Variants in ANKRD31 observed in about 807,000 individuals in gnomAD.
The protein encoded by ANKRD31 is ankyrin repeat domain-containing protein 31.
A neutral mutation model predicts 186.0 loss-of-function variants in ANKRD31; 147 were observed. The ratio of observed to expected loss-of-function variants is 0.79; its 90% CI spans 0.69 to 0.91. ANKRD31 has a LOEUF of 0.91. Ranked by LOEUF, ANKRD31 falls within the 40% of genes least tolerant of loss-of-function variation. ANKRD31 has a pLI of 0.00. For missense variants in ANKRD31, 1,986 were observed against 2,148.8 expected (o/e 0.92, Z 1.50); for synonymous variants, 673 against 736.4 (o/e 0.91, Z 1.39).
At chr5:75,159,459 CA>C (rs1752426950) in intron 11 of ANKRD31, among the ~76,000 whole-genome samples, 1 of 151,654 alleles carries the variant, frequency 6.6e-6, no homozygotes, top group Non-Finnish European at 1.5e-5. Flanking sequence ...TGTTAAAAGT[CA>C]AAGATAAAAT....
At chr5:75,097,015 T>C (rs1459586557) in intron 22 of ANKRD31, among the ~76,000 whole-genome samples, 15 of 152,212 alleles carry the variant, frequency 9.9e-5, no homozygotes, top group Admixed American at 9.8e-4. Flanking sequence ...CTGCATAGTA[T>C]TCCATGGTAT....
intron 5 of ANKRD31, among the ~76,000 whole-genome samples, chr5:75,201,345 G>T (rs909560960): frequency 6.6e-5 from 10 of 152,070 alleles, no homozygotes; most frequent in Admixed American, 1.3e-4. Context: ...CTGTCAACAA[G>T]TGATGACATA....
chr5:75,183,468 A>G (rs1754473110), intron 10 of ANKRD31, among the ~76,000 whole-genome samples: 4 of 152,156 alleles, frequency 2.6e-5, no homozygotes, highest in Admixed American at 6.6e-5. Context: ...GAAAGGAGGA[A>G]GTCAAATTGT....
chr5:75,210,942 A>G, intron 3 of ANKRD31, 77 bp from the exon 4 acceptor site: 3 of 1,031,200 alleles, frequency 2.9e-6, no homozygotes, highest in Non-Finnish European at 4.1e-6. Context: ...TTAACATTTA[A>G]AGTAATTTTT....
At chr5:75,132,422 T>G (rs1749942955) in intron 17 of ANKRD31, among the ~76,000 whole-genome samples, 1 of 152,080 alleles carries the variant, frequency 6.6e-6, no homozygotes, top group Admixed American at 6.5e-5. Flanking sequence ...TATCAGTGAT[T>G]GAAGATCAAA....
chr5:75,142,080 A>G (rs1156967116), intron 15 of ANKRD31, among the ~76,000 whole-genome samples: 1 of 152,146 alleles, frequency 6.6e-6, no homozygotes, highest in African/African-American at 2.4e-5. Context: ...GTTACTATTA[A>G]TAAGTATAAT....
In ANKRD31 at chr5:75,233,396, T is replaced by C. The variant is rs2150325941; in HGVS notation, c.105-2761A>G. 3.3e-5 allele frequency among the ~76,000 whole-genome samples: 5 copies of C among 152,220 alleles called. 1 individual carries two copies. The Middle Eastern group carries it at 0.017, about 518-fold the overall frequency. On this transcript the variant is annotated intron_variant, in intron 1 of 25. Transcript: ENST00000506364. ...CCATTTCTTTGGGTCTTCATTTCCT[T>C]ATGAGGACTCCTGTGTCCCATAAAA...
chr5:75,128,611 C>T (rs1346950189), intron 17 of ANKRD31, among the ~76,000 whole-genome samples: 1 of 151,534 alleles, frequency 6.6e-6, no homozygotes, highest in African/African-American at 2.4e-5. Flanking sequence ...TTCAGCCATT[C>T]TCCTGCCTCA....
intron 6 of ANKRD31, among the ~76,000 whole-genome samples, chr5:75,198,729 T>C (rs1755627590): frequency 6.6e-6 from 1 of 152,114 alleles, no homozygotes; most frequent in Non-Finnish European, 1.5e-5. Flanking sequence ...GAGCCAGAAA[T>C]TAAAGATTTG....
intron 1 of ANKRD31, among the ~76,000 whole-genome samples, chr5:75,235,241 C>CTTT (rs35626841): frequency 3.0e-3 from 295 of 99,806 alleles, no homozygotes; most frequent in African/African-American, 3.8e-3. Flanking sequence ...CTTGCTGGTA[C>CTTT]TTTTTTTTTT....
intron 1 of ANKRD31, among the ~76,000 whole-genome samples, chr5:75,234,528 C>T (rs755966799): frequency 7.2e-5 from 11 of 152,168 alleles, no homozygotes; most frequent in Non-Finnish European, 1.6e-4. Context: ...ATCCAGTCTC[C>T]AAAACAAACA....
In ANKRD31 at chr5:75,203,642, G is replaced by T. The variant is rs868726882; in HGVS notation, c.403+2769C>A. Among the ~76,000 whole-genome samples, 7 of 126,490 alleles carry T rather than the reference G, an allele frequency of 5.5e-5. No homozygotes were observed. In the South Asian group the frequency reaches 1.5e-3, roughly 27 times the overall value. The allele number at this position is 126,490 out of a possible 152,430, so 83.0% of individuals were successfully genotyped here. A position where few individuals can be genotyped will look rare whatever the true frequency, so the allele number is the denominator to read the frequency against. On this transcript the variant is annotated intron_variant, in intron 5 of 25. Transcript: ENST00000506364. ...TGCGCCACTGCACTCCAGCCTGGGC[G>T]AAAGAGAGAGGATCCATCTCAAAAA...
At chr5:75,119,902 C>G (rs1176229393) in intron 17 of ANKRD31, among the ~76,000 whole-genome samples, 2 of 151,972 alleles carry the variant, frequency 1.3e-5, no homozygotes, top group Admixed American at 1.3e-4. Flanking sequence ...AAATGACAAA[C>G]TTCACAGAAT....
chr5:75,106,303 C>T (rs1185960693), intron 21 of ANKRD31, among the ~76,000 whole-genome samples: 4 of 151,954 alleles, frequency 2.6e-5, no homozygotes, highest in African/African-American at 9.7e-5. Flanking sequence ...GGTCCCTGGA[C>T]CACAGTTTAA....
At chr5:75,107,719 C>T (rs1433841469) in intron 20 of ANKRD31, 102 bp from the exon 21 acceptor site, 9 of 645,738 alleles carry the variant, frequency 1.4e-5, no homozygotes, top group African/African-American at 1.8e-5. Flanking sequence ...AAGCGTTATT[C>T]CCTATGATCT....
At chr5:75,132,879 T>C (rs1749990496) in intron 17 of ANKRD31, among the ~76,000 whole-genome samples, 1 of 151,554 alleles carries the variant, frequency 6.6e-6, no homozygotes, top group South Asian at 2.1e-4. Context: ...CTTAAAAAAA[T>C]ATTCAACCCA....
intron 22 of ANKRD31, among the ~76,000 whole-genome samples, chr5:75,102,492 T>C (rs959258081): frequency 7.9e-5 from 12 of 152,244 alleles, no homozygotes; most frequent in African/African-American, 2.9e-4. Flanking sequence ...TGCAGAAGTT[T>C]CTGCTGCTGT....
intron 10 of ANKRD31, among the ~76,000 whole-genome samples, chr5:75,185,608 G>T (rs746926418): frequency 6.6e-6 from 1 of 152,012 alleles, no homozygotes; most frequent in Non-Finnish European, 1.5e-5. Flanking sequence ...TCCTATTGAA[G>T]AGTTGGGTGA....
At chr5:75,139,038 A>T in intron 15 of ANKRD31, 55 bp from the exon 16 acceptor site, 1 of 1,517,738 alleles carries the variant, frequency 6.6e-7, no homozygotes, top group Admixed American at 2.1e-5. Context: ...ATTGTTATAA[A>T]GGATCTTAGA....
Sources: allele counts gnomAD v4.1 joint callset (sites outside exome capture counted in the v4.1 genomes callset), GRCh38; gene constraint gnomAD v4.1.1; transcripts MANE v1.5; gene names NCBI Gene and HGNC (gene_info 2026-07-23, HGNC 2026-07-21).